The following PEX3 variants were observed in gnomAD, a reference collection of about 807,000 sequenced individuals.
PEX3 encodes peroxisomal biogenesis factor 3.
PEX3 carries 30 observed loss-of-function variants against 55.8 expected under a neutral mutation model. The observed-to-expected ratio is 0.54, with a 90% CI of 0.40 to 0.73. The LOEUF (loss-of-function observed/expected upper bound fraction) is 0.73, where lower values mean the gene tolerates loss of function less well. Ranked by LOEUF, PEX3 falls within the 30% of genes least tolerant of loss-of-function variation. The pLI is 0.00. For synonymous variants in PEX3, 135 were observed against 148.4 expected, an observed-to-expected ratio of 0.91 and a Z score of 0.66; for missense variants, 351 against 432.8, an observed-to-expected ratio of 0.81 and a Z score of 1.68.
rs189851136 is a variant in PEX3, at chr6:143,479,818, G to A, written c.941+620G>A. Among the ~76,000 whole-genome samples, 1 of 151,908 alleles carries A rather than the reference G, an allele frequency of 6.6e-6. No individual in the cohort carries two copies. The highest frequency in any genetic ancestry group is 1.5e-5 in the Non-Finnish European group (1 of 67,934). ...TGTTATCCCAACACAAATATCTTTGGTCTCATATTAGAATTTATACTCTTT... is the reference window on the plus strand; with the variant it reads ...TGTTATCCCAACACAAATATCTTTGATCTCATATTAGAATTTATACTCTTT... On this transcript the variant is annotated intron_variant, in intron 10 of 11. Coordinates refer to ENST00000367591, the MANE Select transcript of PEX3 (RefSeq NM_003630.3). This position sits in a 1 kb window ranked among gnomAD's most constrained non-coding sequence, Gnocchi z 4.6.
rs2128747454 is a variant in PEX3 at position 143,479,056 on chromosome 6, A to G, written c.819-20A>G. ...CCATTCAGAGTCTAAAAAGTAACTT[A>G]TACTTCTTACTTTATATAGCCCAGA... On this transcript the variant is annotated intron_variant, in intron 9 of 11. Transcript: ENST00000367591. The surrounding 1 kb of genome is among the most constrained non-coding windows in gnomAD (Gnocchi z 4.6). 1 of 1,493,386 alleles carries G rather than the reference A, an allele frequency of 6.7e-7. No individual in the cohort carries two copies. Among genetic ancestry groups the G allele is most frequent in the South Asian group, 1.1e-5 (1 of 88,274 alleles). The allele number at this position is 1,493,386 out of a possible 1,614,324, so 92.5% of individuals were successfully genotyped here.
At position 143,450,816 on chromosome 6, in the gene PEX3, G is replaced by C. The variant is rs1433581709; in HGVS notation, c.-227G>C. ...GGGCTTGTCGGACCAGTGAGCGGCGGCGGCTGCGCGGCGGCAGCGGCAGAA... is the reference window on the plus strand; with the variant it reads ...GGGCTTGTCGGACCAGTGAGCGGCGCCGGCTGCGCGGCGGCAGCGGCAGAA... On this transcript the variant is annotated 5_prime_UTR_variant, in exon 1 of 12. Coordinates refer to ENST00000367591, the MANE Select transcript of PEX3 (RefSeq NM_003630.3). The C allele has an allele frequency of 5.0e-6, 4 of 806,470 alleles. No homozygotes were observed. Among genetic ancestry groups the C allele is most frequent in the African/African-American group, 3.4e-5 (2 of 58,480 alleles). The allele number at this position is 806,470 out of a possible 1,614,324, so 50.0% of individuals were successfully genotyped here.
chr6:143,477,718 G>A (rs1780173496), intron 9 of PEX3, among the ~76,000 whole-genome samples: 1 of 152,108 alleles, frequency 6.6e-6, no homozygotes, highest in African/African-American at 2.4e-5. Flanking sequence ...TATGCAGCAA[G>A]CACTGTTCTA....
rs1780144210 is a variant in PEX3, at chr6:143,475,858, G to T, written c.818+1002G>T. Among the ~76,000 whole-genome samples, 1 of 152,142 alleles carries T rather than the reference G, an allele frequency of 6.6e-6. No homozygotes were observed. Among genetic ancestry groups the T allele is most frequent in the African/African-American group, 2.4e-5 (1 of 41,436 alleles). ...TACACTTCATAGATAGAAATAATTT[G>T]TTCATTCACTTAATTCATTTATCTC... On this transcript the variant is annotated intron_variant, in intron 9 of 11. Transcript: ENST00000367591. This position sits in a 1 kb window ranked among gnomAD's most constrained non-coding sequence, Gnocchi z 4.4.
In PEX3 at chr6:143,471,469, C is replaced by G; in HGVS notation, c.523+20C>G. On this transcript the variant is annotated intron_variant, in intron 6 of 11. Coordinates refer to ENST00000367591, the MANE Select transcript of PEX3 (RefSeq NM_003630.3). The surrounding 1 kb of genome is among the most constrained non-coding windows in gnomAD (Gnocchi z 5.4). ...GAGATGGTAAGATTCTTATTTGTGA[C>G]TTTTATACTAATTTTAATTCATTTA... 1.3e-6 allele frequency: 2 copies of G among 1,571,458 alleles called. No individual in the cohort carries two copies. Among genetic ancestry groups the G allele is most frequent in the Admixed American group, 1.7e-5 (1 of 59,910 alleles).
At chr6:143,478,033 TTAAC>T (rs1308772253) in intron 9 of PEX3, among the ~76,000 whole-genome samples, 2 of 152,126 alleles carry the variant, frequency 1.3e-5, no homozygotes, top group African/African-American at 2.4e-5. Context: ...CAGATTTCTA[TTAAC>T]TAACAAAAGG....
At position 143,463,659 on chromosome 6, in the gene PEX3, G is replaced by A. The variant is rs1779953972; in HGVS notation, c.287+662G>A. Among the ~76,000 whole-genome samples, 1 of 152,082 alleles carries A rather than the reference G, an allele frequency of 6.6e-6. No individual in the cohort carries two copies. The highest frequency in any genetic ancestry group is 6.6e-5 in the Admixed American group (1 of 15,262). On this transcript the variant is annotated intron_variant, in intron 3 of 11. Transcript: ENST00000367591. This position sits in a 1 kb window ranked among gnomAD's most constrained non-coding sequence, Gnocchi z 5.7. ...ATGATGGGAGGGTGGGCAGGGAAAT[G>A]GTTTCACTAAATAAATGTTAATCAT... is the stretch of plus-strand genomic sequence containing the variant.
chr6:143,451,084 G>T lies in PEX3; in HGVS notation c.42G>T (p.Lys14Asn). Residue 14 changes from lysine (K) to asparagine (N), a missense_variant, in exon 1 of 12, where the codon AAG becomes AAT. By Grantham distance (94) the Lys-to-Asn change is moderately conservative. Coordinates refer to ENST00000367591, the MANE Select transcript of PEX3 (RefSeq NM_003630.3). The surrounding 1 kb of genome is among the most constrained non-coding windows in gnomAD (Gnocchi z 4.1). The stretch of plus-strand genomic sequence containing the variant: ...GGAATTTTCTGAAACGCCACAAAAA[G>T]AAATGCATCTTCCTGGGCACGGTCC... The part of the protein sequence containing the change: ...SVWNFLKRHK[K>N]KCIFLGTVLG... 1.2e-6 allele frequency: 2 copies of T among 1,613,820 alleles called. No homozygotes were observed. The highest frequency in any genetic ancestry group is 1.7e-6 in the Non-Finnish European group (2 of 1,179,738).
Position 143,450,898 on chromosome 6 carries a change from C to T in PEX3, c.-145C>T. ...CTTGCCGCTCCGGTGACAGTCTCTG[C>T]GGAAAGTCACGTTTGTGATTTCGGG... On this transcript the variant is annotated 5_prime_UTR_variant, in exon 1 of 12. Transcript: ENST00000367591. 2.4e-6 allele frequency: 2 copies of T among 818,308 alleles called. No homozygotes were observed. Among genetic ancestry groups the T allele is most frequent in the Non-Finnish European group, 2.2e-6 (1 of 460,424 alleles). 50.7% of individuals were successfully genotyped at this position (818,308 alleles called of 1,614,324 possible).
chr6:143,451,113 G>A lies in PEX3; in HGVS notation c.71G>A (p.Gly24Glu), dbSNP rs765016413. Residue 24 changes from glycine (G) to glutamate (E), a missense_variant and splice_region_variant, in exon 1 of 12, where the codon GGA (glycine) becomes GAA (glutamate). Physicochemically the swap from Gly to Glu is moderately conservative, Grantham distance 98. Transcript: ENST00000367591. This position sits in a 1 kb window ranked among gnomAD's most constrained non-coding sequence, Gnocchi z 4.1. ...TGCATCTTCCTGGGCACGGTCCTTGGAGGTGGGTGACAACGTGCTTGAAAG... is the reference window on the plus strand; with the variant it reads ...TGCATCTTCCTGGGCACGGTCCTTGAAGGTGGGTGACAACGTGCTTGAAAG... ...KKCIFLGTVL[G>E]GVYILGKYGQ... is the part of the protein sequence containing the mutation. 1 of 1,610,324 alleles carries A rather than the reference G, an allele frequency of 6.2e-7. No homozygotes were observed. The highest frequency in any genetic ancestry group is 2.2e-5 in the East Asian group (1 of 44,852).
rs1780269925 is a variant in PEX3, at chr6:143,483,496, C to T, written c.942-1656C>T. 1.3e-5 allele frequency among the ~76,000 whole-genome samples: 2 copies of T among 152,076 alleles called. No individual in the cohort carries two copies. Among genetic ancestry groups the T allele is most frequent in the Admixed American group, 1.3e-4 (2 of 15,248 alleles). ...CTACAGGGCAAAGGTTTTGAAGCCA[C>T]CTAAGTACATTTTAAGACTTATAAA... On this transcript the variant is annotated intron_variant, in intron 10 of 11. Transcript: ENST00000367591. The surrounding 1 kb of genome is among the most constrained non-coding windows in gnomAD (Gnocchi z 4.3).
intron 1 of PEX3, among the ~76,000 whole-genome samples, chr6:143,455,005 G>C (rs977428436): frequency 6.6e-6 from 1 of 152,100 alleles, no homozygotes; most frequent in African/African-American, 2.4e-5. Context: ...AAATCACTTA[G>C]GGAGCTTAAT....
chr6:143,479,070 A>T lies in PEX3; in HGVS notation c.819-6A>T. ...AAAAGTAACTTATACTTCTTACTTT[A>T]TATAGCCCAGATTTTAGTACAGTTT... is the stretch of plus-strand genomic sequence containing the variant. On this transcript the variant is annotated splice_region_variant and splice_polypyrimidine_tract_variant and intron_variant, in intron 9 of 11. Coordinates refer to ENST00000367591, the MANE Select transcript of PEX3 (RefSeq NM_003630.3). This position sits in a 1 kb window ranked among gnomAD's most constrained non-coding sequence, Gnocchi z 4.6. The T allele has an allele frequency of 1.3e-6, 2 of 1,544,848 alleles. No homozygotes were observed. Among genetic ancestry groups the T allele is most frequent in the South Asian group, 1.1e-5 (1 of 89,566 alleles).
chr6:143,478,290 G>T (rs1780180139), intron 9 of PEX3, among the ~76,000 whole-genome samples: 2 of 152,030 alleles, frequency 1.3e-5, no homozygotes, highest in Non-Finnish European at 2.9e-5. Flanking sequence ...GGGCCTAGTG[G>T]GTGATGAAAA....
rs899148674 is a variant in PEX3 at position 143,453,312 on chromosome 6, A to C, written c.73+2197A>C. Among the ~76,000 whole-genome samples the C allele has an allele frequency of 6.6e-6, 1 of 152,196 alleles. No individual in the cohort carries two copies. The highest frequency in any genetic ancestry group is 1.9e-4 in the East Asian group (1 of 5,196). On this transcript the variant is annotated intron_variant, in intron 1 of 11. Coordinates refer to ENST00000367591, the MANE Select transcript of PEX3 (RefSeq NM_003630.3). This position sits in a 1 kb window ranked among gnomAD's most constrained non-coding sequence, Gnocchi z 4.6. ...GACAGGCTTGAAAGCTGGGTAGTATATCAACAGGCATGCGCAGAGAAGTTT... is the reference window on the plus strand; with the variant it reads ...GACAGGCTTGAAAGCTGGGTAGTATCTCAACAGGCATGCGCAGAGAAGTTT...
chr6:143,463,124 A>G lies in PEX3; in HGVS notation c.287+127A>G, dbSNP rs948472723. ...GAAAGTTTATATAGGCTCAGTAAGA[A>G]AAATACTAACTATATCATTTAACCT... On this transcript the variant is annotated intron_variant, in intron 3 of 11. Transcript: ENST00000367591. This position sits in a 1 kb window ranked among gnomAD's most constrained non-coding sequence, Gnocchi z 5.7. The G allele has an allele frequency of 5.6e-6, 4 of 711,232 alleles. No homozygotes were observed. Among genetic ancestry groups the G allele is most frequent in the Admixed American group, 2.3e-5 (1 of 43,736 alleles). 44.1% of individuals were successfully genotyped at this position (711,232 alleles called of 1,614,324 possible).
chr6:143,485,507 T>C lies in PEX3; in HGVS notation c.1038+259T>C, dbSNP rs1338561833. On this transcript the variant is annotated intron_variant, in intron 11 of 11. Coordinates refer to ENST00000367591, the MANE Select transcript of PEX3 (RefSeq NM_003630.3). This position sits in a 1 kb window ranked among gnomAD's most constrained non-coding sequence, Gnocchi z 5.6. ...TTTTAGTCCAGGTGTATTATAGTGGTCAGTTGAATTTATATAGCATGAATG... is the reference window on the plus strand; with the variant it reads ...TTTTAGTCCAGGTGTATTATAGTGGCCAGTTGAATTTATATAGCATGAATG... 6.6e-6 allele frequency among the ~76,000 whole-genome samples: 1 copy of C among 152,004 alleles called. No individual in the cohort carries two copies. The highest frequency in any genetic ancestry group is 1.5e-5 in the Non-Finnish European group (1 of 67,972).
In PEX3 at chr6:143,483,706, T is replaced by A. The variant is rs1165878117; in HGVS notation, c.942-1446T>A. Among the ~76,000 whole-genome samples the A allele has an allele frequency of 6.6e-6, 1 of 152,114 alleles. No individual in the cohort carries two copies. Among genetic ancestry groups the A allele is most frequent in the African/African-American group, 2.4e-5 (1 of 41,416 alleles). Reference sequence around the variant, plus strand: ...CTTTGACTGGTTTGTGGAAAAGGAATTGGGTAAACAGGGACTGGGGCAGGA... The same window carrying A: ...CTTTGACTGGTTTGTGGAAAAGGAAATGGGTAAACAGGGACTGGGGCAGGA... On this transcript the variant is annotated intron_variant, in intron 10 of 11. Transcript: ENST00000367591. This position sits in a 1 kb window ranked among gnomAD's most constrained non-coding sequence, Gnocchi z 4.3.
chr6:143,489,089 T>A lies in PEX3; in HGVS notation c.1039-54T>A, dbSNP rs191632602. The A allele has an allele frequency of 1.2e-4, 145 of 1,174,972 alleles. No individual in the cohort carries two copies. The highest frequency in any genetic ancestry group is 1.8e-4 in the Non-Finnish European group (137 of 780,846). 72.8% of individuals were successfully genotyped at this position (1,174,972 alleles called of 1,614,324 possible). On this transcript the variant is annotated intron_variant, in intron 11 of 11. Coordinates refer to ENST00000367591, the MANE Select transcript of PEX3 (RefSeq NM_003630.3). This position sits in a 1 kb window ranked among gnomAD's most constrained non-coding sequence, Gnocchi z 5.5. ...TCATCGCTTGATTGCAGAAATTAATTCAAATTAGCTATATGTTTTGCAAAC... is the reference window on the plus strand; with the variant it reads ...TCATCGCTTGATTGCAGAAATTAATACAAATTAGCTATATGTTTTGCAAAC...
Sources: gnomAD v4.1 joint callset for allele counts (sites outside exome capture counted in the v4.1 genomes callset) on GRCh38, gnomAD v4.1.1 for gene constraint, Gnocchi (gnomAD v3.1) non-coding constraint, MANE v1.5 for transcripts, NCBI Gene and HGNC (gene_info 2026-07-23, HGNC 2026-07-21) for gene names.